SH3RF3: variants seen among roughly 807,000 people sequenced by gnomAD.
SH3RF3 encodes E3 ubiquitin-protein ligase SH3RF3.
Under a neutral mutation model 66.3 loss-of-function variants are expected in SH3RF3, and 29 were observed. The ratio of observed to expected loss-of-function variants is 0.44; its 90% CI spans 0.33 to 0.60. The LOEUF (loss-of-function observed/expected upper bound fraction) is 0.60. SH3RF3 is among the 20% of genes least tolerant of loss of function. The probability of loss-of-function intolerance (pLI) is 0.04; values close to 1 mark genes in which losing one functional copy is unlikely to be tolerated. For synonymous variants in SH3RF3, 583 were observed against 532.0 expected (o/e 1.10, Z -1.32); for missense variants, 1,194 against 1,190.9 (o/e 1.00, Z -0.04).
In SH3RF3 at chr2:109,371,629, C is replaced by A; in HGVS notation, c.893C>A (p.Ala298Glu). 6.2e-7 allele frequency: 1 copy of A among 1,613,972 alleles called. No individual in the cohort carries two copies. Among genetic ancestry groups the A allele is most frequent in the Non-Finnish European group, 8.5e-7 (1 of 1,179,910 alleles). ...TVLRRVDENW[A>E]EGMLGDKIGI... ...CTCAGGAGAGTGGATGAGAACTGGG[C>A]GGAAGGCATGCTGGGAGACAAGATC... The change falls in exon 3 of 10, where the codon GCG (alanine) becomes GAG (glutamate). Residue 298 changes from alanine (A) to glutamate (E), a missense_variant. Physicochemically the swap from Ala to Glu is moderately radical, Grantham distance 107. Coordinates refer to ENST00000309415, the MANE Select transcript of SH3RF3 (RefSeq NM_001099289.3).
rs116072005 is a variant in SH3RF3, at chr2:109,311,608, C to T, written c.574-36066C>T. 7.2e-3 allele frequency among the ~76,000 whole-genome samples: 1,104 copies of T among 152,330 alleles called. 14 individuals carry two copies. Among genetic ancestry groups the T allele is most frequent in the Middle Eastern group, 0.037 (11 of 294 alleles). On this transcript the variant is annotated intron_variant, in intron 1 of 9. Coordinates refer to ENST00000309415, the MANE Select transcript of SH3RF3 (RefSeq NM_001099289.3). ...TCAAGATGCACTTTTATTCTAGCTT[C>T]CTAAAAGCAATGGCCCTTGATGGCA... is the stretch of plus-strand genomic sequence containing the variant.
chr2:109,213,563 A>G (rs1679041147), intron 1 of SH3RF3, among the ~76,000 whole-genome samples: 2 of 152,178 alleles, frequency 1.3e-5, no homozygotes, highest in South Asian at 4.1e-4. Context: ...GGGCTCTTAA[A>G]GCAAGGAAGA....
At chr2:109,355,761 T>C (rs1279950471) in intron 2 of SH3RF3, among the ~76,000 whole-genome samples, 2 of 152,212 alleles carry the variant, frequency 1.3e-5, no homozygotes, top group African/African-American at 2.4e-5. Context: ...GTCCATGCCA[T>C]GCGGATCAGT....
At chr2:109,418,192 C>T (rs1344814053) in intron 4 of SH3RF3, among the ~76,000 whole-genome samples, 4 of 152,062 alleles carry the variant, frequency 2.6e-5, no homozygotes, top group African/African-American at 7.2e-5. Flanking sequence ...CCTATTCTGC[C>T]CCTCGTCAGG....
chr2:109,331,192 C>T (rs565954033), intron 1 of SH3RF3, among the ~76,000 whole-genome samples: 1 of 152,288 alleles, frequency 6.6e-6, no homozygotes, highest in East Asian at 1.9e-4. Context: ...ATGGGGAATG[C>T]CGGGTGTCTT....
intron 4 of SH3RF3, among the ~76,000 whole-genome samples, chr2:109,413,287 G>A (rs1380816059): frequency 6.6e-6 from 1 of 152,116 alleles, no homozygotes; most frequent in East Asian, 1.9e-4. Flanking sequence ...GCTAATTTTT[G>A]TATTTTAGTA....
At chr2:109,395,384 C>T (rs933999855) in intron 3 of SH3RF3, among the ~76,000 whole-genome samples, 4 of 152,214 alleles carry the variant, frequency 2.6e-5, no homozygotes, top group African/African-American at 7.2e-5. Context: ...CAACAGGATA[C>T]AGCCTAACCC....
At chr2:109,334,559 C>T (rs964826710) in intron 1 of SH3RF3, among the ~76,000 whole-genome samples, 4 of 152,060 alleles carry the variant, frequency 2.6e-5, no homozygotes, top group Non-Finnish European at 5.9e-5. Context: ...AACCCTCACC[C>T]GCTCCGGGGA....
chr2:109,349,679 C>G (rs1480439612), intron 2 of SH3RF3, among the ~76,000 whole-genome samples: 1 of 152,234 alleles, frequency 6.6e-6, no homozygotes, highest in Non-Finnish European at 1.5e-5. Flanking sequence ...AGGCCCTCCT[C>G]CAGGGGCCTC....
chr2:109,429,728 TC>T (rs890910645), intron 5 of SH3RF3, among the ~76,000 whole-genome samples: 1 of 152,040 alleles, frequency 6.6e-6, no homozygotes, highest in Non-Finnish European at 1.5e-5. Flanking sequence ...AGAAGCTCCA[TC>T]CCCTCGAGCT....
chr2:109,423,320 G>A (rs116179903), intron 5 of SH3RF3, among the ~76,000 whole-genome samples: 13 of 152,142 alleles, frequency 8.5e-5, no homozygotes, highest in Non-Finnish European at 1.8e-4. Context: ...CATGTGAGAC[G>A]TGCTCTCTGT....
At chr2:109,485,417 A>G (rs1040170792) in intron 8 of SH3RF3, among the ~76,000 whole-genome samples, 3 of 152,272 alleles carry the variant, frequency 2.0e-5, no homozygotes, top group African/African-American at 4.8e-5. Flanking sequence ...TTCAGAGACA[A>G]TTTTCCATAA....
intron 1 of SH3RF3, among the ~76,000 whole-genome samples, chr2:109,299,321 G>T (rs1213929967): frequency 6.6e-6 from 1 of 151,956 alleles, no homozygotes; most frequent in Non-Finnish European, 1.5e-5. Context: ...TTTGAAGCTT[G>T]CAGGGGCAGG....
intron 8 of SH3RF3, among the ~76,000 whole-genome samples, chr2:109,485,553 C>CA (rs1390987180): frequency 7.9e-5 from 12 of 152,102 alleles, no homozygotes; most frequent in African/African-American, 2.7e-4. Flanking sequence ...TTAATCATAA[C>CA]AAAAAAATCT....
intron 1 of SH3RF3, among the ~76,000 whole-genome samples, chr2:109,265,137 AT>A (rs1238503638): frequency 2.7e-5 from 4 of 150,878 alleles, no homozygotes; most frequent in African/African-American, 7.3e-5. Context: ...TGTGTGTTTT[AT>A]TTTTTTTTCC....
intron 1 of SH3RF3, among the ~76,000 whole-genome samples, chr2:109,298,285 G>C (rs1335155597): frequency 6.7e-6 from 1 of 148,212 alleles, no homozygotes; most frequent in South Asian, 2.2e-4. Flanking sequence ...AGAGAACTCC[G>C]TGGCTGGCTA....
chr2:109,378,645 GT>G (rs1435001614), intron 3 of SH3RF3, among the ~76,000 whole-genome samples: 1 of 152,190 alleles, frequency 6.6e-6, no homozygotes, highest in Admixed American at 6.5e-5. Context: ...TCAGTTTGGT[GT>G]TTTTGAGGCT....
chr2:109,418,609 G>T (rs1311009365), intron 4 of SH3RF3, among the ~76,000 whole-genome samples: 1 of 151,988 alleles, frequency 6.6e-6, no homozygotes, highest in African/African-American at 2.4e-5. Flanking sequence ...ATTGGATTTG[G>T]TGCCCACTCT....
chr2:109,227,671 C>T (rs1209940853), intron 1 of SH3RF3, among the ~76,000 whole-genome samples: 2 of 152,222 alleles, frequency 1.3e-5, no homozygotes, highest in African/African-American at 4.8e-5. Flanking sequence ...AGCTCCCCTG[C>T]TTCTGTGCTG....
Sources: allele counts gnomAD v4.1 joint callset (sites outside exome capture counted in the v4.1 genomes callset), GRCh38; gene constraint gnomAD v4.1.1; transcripts MANE v1.5; gene names NCBI Gene and HGNC (gene_info 2026-07-23, HGNC 2026-07-21).